NBR1: variants seen among roughly 807,000 people sequenced by gnomAD.
The protein encoded by NBR1 is next to BRCA1 gene 1 protein.
In NBR1, 59 loss-of-function variants were observed where a neutral mutation model predicts 115.5. The ratio of observed to expected loss-of-function variants is 0.51; its 90% CI spans 0.41 to 0.63. The LOEUF (loss-of-function observed/expected upper bound fraction) is 0.63. Ranked by LOEUF, NBR1 falls within the 30% of genes least tolerant of loss-of-function variation. The pLI is 0.00. For missense variants in NBR1, 1,043 were observed against 1,150.5 expected (o/e 0.91, Z 1.35); for synonymous variants, 373 against 414.7 (o/e 0.90, Z 1.22).
At chr17:43,199,742 C>A (rs1248121433) in intron 16 of NBR1, among the ~76,000 whole-genome samples, 1 of 152,118 alleles carries the variant, frequency 6.6e-6, no homozygotes, top group African/African-American at 2.4e-5. Context: ...CCCATGACTG[C>A]ATCATCTTTG....
intron 2 of NBR1, chr17:43,176,675 A>C (rs2056525361): frequency 1.3e-5 from 2 of 152,154 alleles, no homozygotes; most frequent in African/African-American, 4.8e-5. Context: ...AAAAAAAAAA[A>C]AGATTGGATT....
intron 20 of NBR1, among the ~76,000 whole-genome samples, chr17:43,205,766 T>C (rs2057301474): frequency 6.6e-6 from 1 of 150,636 alleles, no homozygotes; most frequent in South Asian, 2.1e-4. Context: ...TGGTCCCAGA[T>C]ACTCAAGAGG....
In NBR1 at chr17:43,211,624, G is replaced by T. The variant is rs2057417470; in HGVS notation, c.*1550G>T. The T allele has an allele frequency of 6.6e-6, 1 of 152,264 alleles. No individual in the cohort carries two copies. The highest frequency in any genetic ancestry group is 2.4e-5 in the African/African-American group (1 of 41,444). 9.4% of individuals were successfully genotyped at this position (152,264 alleles called of 1,614,324 possible). A position where few individuals can be genotyped will look rare whatever the true frequency, so the allele number is the denominator to read the frequency against. Reference sequence around the variant, plus strand: ...CAGGAGGGCCCGGGTTGCTCTCCTGGTTATGTATGTACTTGTACATAACCA... The same window carrying T: ...CAGGAGGGCCCGGGTTGCTCTCCTGTTTATGTATGTACTTGTACATAACCA... On this transcript the variant is annotated 3_prime_UTR_variant, in exon 21 of 21. Transcript: ENST00000590996.
At chr17:43,207,191 A>G (rs563242174) in intron 20 of NBR1, among the ~76,000 whole-genome samples, 80 of 152,332 alleles carry the variant, frequency 5.3e-4, no homozygotes, top group Middle Eastern at 3.4e-3. Flanking sequence ...ATCCAGGTAA[A>G]GGTAAAGATA....
At chr17:43,170,977 A>T (rs1312866836), upstream of NBR1, 1 of 152,264 alleles carries the variant, frequency 6.6e-6, no homozygotes, top group Non-Finnish European at 1.5e-5. Flanking sequence ...TGGGCGCCGA[A>T]TTTGCCTGGG....
chr17:43,199,654 C>T (rs1409697285), intron 16 of NBR1, among the ~76,000 whole-genome samples: 2 of 151,908 alleles, frequency 1.3e-5, no homozygotes, highest in Admixed American at 6.6e-5. Flanking sequence ...GGATTACAAG[C>T]GTGAGCCACC....
chr17:43,175,241 A>G (rs934507632), intron 1 of NBR1, among the ~76,000 whole-genome samples: 3 of 152,248 alleles, frequency 2.0e-5, no homozygotes, highest in African/African-American at 4.8e-5. Context: ...AAACTGGTAG[A>G]AAACCTAGGT....
rs1359002191 is a variant in NBR1, at chr17:43,197,077, A to G, written c.1997A>G (p.Asn666Ser). ...ACCTTGGATGCTGCCCCAGACCACA[A>G]CCCTCCTTGCAGACAGAAGTCCTTG... Reference protein sequence around the residue: ...SLTLDAAPDHNPPCRQKSLQM... With the variant: ...SLTLDAAPDHSPPCRQKSLQM... Residue 666 changes from asparagine (N) to serine (S), a missense_variant, in exon 16 of 21, where the codon AAC becomes AGC. Transcript: ENST00000590996. 6.2e-7 allele frequency: 1 copy of G among 1,613,546 alleles called. No individual in the cohort carries two copies. The highest frequency in any genetic ancestry group is 1.3e-5 in the African/African-American group (1 of 74,814).
intron 1 of NBR1, 39 bp from the exon 2 acceptor site, chr17:43,175,752 G>A: frequency 1.1e-6 from 1 of 944,970 alleles, no homozygotes; most frequent in Non-Finnish European, 1.6e-6. Flanking sequence ...CCTTTCTAAT[G>A]TGTTTTTCTC....
intron 5 of NBR1, among the ~76,000 whole-genome samples, chr17:43,185,746 C>T (rs1184203968): frequency 6.6e-6 from 1 of 152,046 alleles, no homozygotes; most frequent in Admixed American, 6.6e-5. Flanking sequence ...CCTGTAATCT[C>T]AGCACTTTGG....
At chr17:43,182,307 T>A (rs1225269754) in intron 5 of NBR1, among the ~76,000 whole-genome samples, 2 of 134,092 alleles carry the variant, frequency 1.5e-5, no homozygotes, top group East Asian at 5.1e-4. Context: ...AACCTCCACC[T>A]CTGGGGTTCA....
rs1272561946 is a variant in NBR1 at position 43,210,076 on chromosome 17, G to T, written c.*2G>T. 1 of 1,607,452 alleles carries T rather than the reference G, an allele frequency of 6.2e-7. No homozygotes were observed. The highest frequency in any genetic ancestry group is 8.5e-7 in the Non-Finnish European group (1 of 1,176,770). On this transcript the variant is annotated 3_prime_UTR_variant, in exon 21 of 21. Coordinates refer to ENST00000590996, the MANE Select transcript of NBR1 (RefSeq NM_005899.5). ...GACTGGTACAGCCAACGCTATTGAG[G>T]AGTGACCTTGTATTAAATAACTGCC... is the stretch of plus-strand genomic sequence containing the variant.
In NBR1 at chr17:43,191,575, C is replaced by A. The variant is rs548111701; in HGVS notation, c.1067C>A (p.Thr356Asn). 3.1e-6 allele frequency: 5 copies of A among 1,608,478 alleles called. No individual in the cohort carries two copies. In the African/African-American group the frequency reaches 6.7e-5, roughly 22 times the overall value. Residue 356 changes from threonine to asparagine, a missense_variant, in exon 10 of 21, where the codon ACC becomes AAC. Transcript: ENST00000590996. ...CCTGAGAGCTTGCTCCAGTCTAATACCCTGATGTAAGCCCAGGACTGGGGT... is the reference window on the plus strand; with the variant it reads ...CCTGAGAGCTTGCTCCAGTCTAATAACCTGATGTAAGCCCAGGACTGGGGT... ...GRPESLLQSN[T>N]LMLPLQPCTS...
At chr17:43,189,870 T>C in intron 8 of NBR1, 68 bp downstream of exon 8, 1 of 1,375,098 alleles carries the variant, frequency 7.3e-7, no homozygotes, top group Non-Finnish European at 1.0e-6. Context: ...TGGCTTTCTG[T>C]GTAGGTAAAG....
At chr17:43,185,333 G>A (rs1046456899) in intron 5 of NBR1, among the ~76,000 whole-genome samples, 4 of 152,314 alleles carry the variant, frequency 2.6e-5, no homozygotes, top group Non-Finnish European at 5.9e-5. Context: ...TAGCACTTTG[G>A]AAAGCCAAGG....
At position 43,180,831 on chromosome 17, in the gene NBR1, A is replaced by C. The variant is rs767461378; in HGVS notation, c.207+14A>C. 1.7e-5 allele frequency: 24 copies of C among 1,425,842 alleles called. No individual in the cohort carries two copies. In the Admixed American group the frequency reaches 6.3e-4, roughly 37 times the overall value. The allele number at this position is 1,425,842 out of a possible 1,614,324, so 88.3% of individuals were successfully genotyped here. On this transcript the variant is annotated intron_variant, in intron 5 of 20. Transcript: ENST00000590996. The stretch of plus-strand genomic sequence containing the variant: ...GAAGCGCTTAAGGTAATGATTATTT[A>C]ATCTCATTTTTAAATAATTTAAAAA...
At position 43,210,179 on chromosome 17, in the gene NBR1, T is replaced by C. The variant is rs960762865; in HGVS notation, c.*105T>C. 2.8e-6 allele frequency: 3 copies of C among 1,064,732 alleles called. No homozygotes were observed. The highest frequency in any genetic ancestry group is 2.4e-5 in the South Asian group (1 of 41,758). 66.0% of individuals were successfully genotyped at this position (1,064,732 alleles called of 1,614,324 possible). A position where few individuals can be genotyped will look rare whatever the true frequency, so the allele number is the denominator to read the frequency against. ...TTGCTTATTTTTAATCTGATGAATC[T>C]GTATAGAGCCCATCGTTGAGTTACC... is the stretch of plus-strand genomic sequence containing the variant. On this transcript the variant is annotated 3_prime_UTR_variant, in exon 21 of 21. Transcript: ENST00000590996.
chr17:43,200,606 C>A lies in NBR1; in HGVS notation c.2466C>A (p.Pro822=). 2 of 1,597,276 alleles carry A rather than the reference C, an allele frequency of 1.3e-6. No individual in the cohort carries two copies. Among genetic ancestry groups the A allele is most frequent in the Non-Finnish European group, 1.7e-6 (2 of 1,168,260 alleles). Residue 822 remains proline, a splice_region_variant and synonymous_variant, in exon 17 of 21, where the codon CCC becomes CCA. Coordinates refer to ENST00000590996, the MANE Select transcript of NBR1 (RefSeq NM_005899.5). ...TAGTGGAGCTTCCACCGTCACTGCC[C>A]AGGTACCACTCACAGCCCCCTCAGC... ...PEVVELPPSL[P]RSSPCVHHHG... is the part of the protein sequence containing the mutation.
chr17:43,187,381 C>T (rs537845948), intron 6 of NBR1, among the ~76,000 whole-genome samples: 15 of 151,930 alleles, frequency 9.9e-5, no homozygotes, highest in African/African-American at 1.7e-4. Context: ...AGGGTTTCAC[C>T]GTGTTAGCCA....
Sources: allele counts gnomAD v4.1 joint callset (sites outside exome capture counted in the v4.1 genomes callset), GRCh38; gene constraint gnomAD v4.1.1; transcripts MANE v1.5; gene names NCBI Gene and HGNC (gene_info 2026-07-23, HGNC 2026-07-21).